PLAC1: variants seen among roughly 807,000 people sequenced by gnomAD.
The protein encoded by PLAC1 is placenta-specific protein 1.
For missense variants in PLAC1, 136 were observed against 163.2 expected, an observed-to-expected ratio of 0.83 and a Z score of 0.91; for synonymous variants, 68 against 62.1, an observed-to-expected ratio of 1.09 and a Z score of -0.44.
At chrX:134,600,614 G>A (rs189536326) in intron 2 of PLAC1, among the ~76,000 whole-genome samples, 34 of 110,050 alleles carry the variant, frequency 3.1e-4, no homozygotes, top group African/African-American at 1.0e-3. Flanking sequence ...TCAGCCCACC[G>A]CACTCTAGCA....
chrX:134,690,475 G>C (rs1317773154), intron 2 of PLAC1, among the ~76,000 whole-genome samples: 4 of 111,384 alleles, frequency 3.6e-5, no homozygotes, highest in Middle Eastern at 9.2e-3. Flanking sequence ...CAGACCTGCT[G>C]AGTCAGAATC....
At chrX:134,603,542 G>A (rs369106653) in intron 1 of PLAC1, among the ~76,000 whole-genome samples, 2 of 103,468 alleles carry the variant, frequency 1.9e-5, no homozygotes, top group Admixed American at 1.1e-4. Flanking sequence ...CACCGTGTTA[G>A]CCAGGATGGT....
At chrX:134,592,999 T>C (rs2124377691) in intron 2 of PLAC1, among the ~76,000 whole-genome samples, 1 of 110,985 alleles carries the variant, frequency 9.0e-6, no homozygotes, top group Admixed American at 9.6e-5. Context: ...AATGCTGGGA[T>C]TACAGGCGTG....
chrX:134,686,640 T>A (rs2078517986), intron 2 of PLAC1, among the ~76,000 whole-genome samples: 1 of 111,733 alleles, frequency 8.9e-6, no homozygotes, highest in Admixed American at 9.5e-5. Flanking sequence ...TTTTTAAAGA[T>A]CCTCCTTCAA....
rs2078554339 is a variant in PLAC1, at chrX:134,694,122, G to A, written n.174+39313C>T. On this transcript the variant is annotated intron_variant and non_coding_transcript_variant, in intron 2 of 2. Transcript: ENST00000466797. ...TTATAAGACAGGACTTTGCCATATG[G>A]GTCTTGTTTCCTCAACTGGTGTGAA... Among the ~76,000 whole-genome samples, 3 of 110,692 alleles carry A rather than the reference G, an allele frequency of 2.7e-5. No homozygotes were observed. In the South Asian group the frequency reaches 1.2e-3, roughly 43 times the overall value.
chrX:134,758,662 A>T (rs927957397), intron 1 of PLAC1, among the ~76,000 whole-genome samples: 2 of 112,225 alleles, frequency 1.8e-5, no homozygotes, highest in Non-Finnish European at 3.8e-5. Context: ...ATTAAACATA[A>T]GACTTGAAAC....
intron 1 of PLAC1, among the ~76,000 whole-genome samples, chrX:134,734,780 G>A (rs2078698577): frequency 9.0e-6 from 1 of 110,991 alleles, no homozygotes; most frequent in Non-Finnish European, 1.9e-5. Context: ...CCCAGATCTG[G>A]CCCTCAGCTT....
At chrX:134,650,322 G>A (rs2078356046) in intron 1 of PLAC1, among the ~76,000 whole-genome samples, 1 of 111,845 alleles carries the variant, frequency 8.9e-6, no homozygotes, top group Non-Finnish European at 1.9e-5. Flanking sequence ...GGTTAGGAAA[G>A]AGATCACATC....
At chrX:134,751,952 A>T (rs1170253007) in intron 1 of PLAC1, among the ~76,000 whole-genome samples, 1 of 112,456 alleles carries the variant, frequency 8.9e-6, no homozygotes, top group African/African-American at 3.2e-5. Flanking sequence ...TGATGCAAGG[A>T]AACCTGCTTT....
rs770716614 is a variant in PLAC1 at position 134,755,797 on chromosome X, G to A, written n.89+8437C>T. ...TTTGGGATATTGGACCTTTATTTAT[G>A]TATACATTATAAGTATTTTCTCAGT... On this transcript the variant is annotated intron_variant and non_coding_transcript_variant, in intron 1 of 2. Coordinates refer to the PLAC1 transcript ENST00000466797. 3.7e-3 allele frequency among the ~76,000 whole-genome samples: 357 copies of A among 96,926 alleles called. 1 individual carries two copies. The highest frequency in any genetic ancestry group is 6.4e-3 in the Non-Finnish European group (307 of 47,641). 84.2% of individuals were successfully genotyped at this position (96,926 alleles called of 115,157 possible). A position where few individuals can be genotyped will look rare whatever the true frequency, so the allele number is the denominator to read the frequency against.
intron 2 of PLAC1, among the ~76,000 whole-genome samples, chrX:134,695,526 T>C (rs1381733168): frequency 1.8e-5 from 2 of 111,938 alleles, no homozygotes; most frequent in Non-Finnish European, 3.8e-5. Context: ...TTACCTTCAC[T>C]TTCTGTCTGT....
intron 2 of PLAC1, among the ~76,000 whole-genome samples, chrX:134,689,559 G>T (rs761968206): frequency 2.7e-5 from 3 of 111,336 alleles, no homozygotes; most frequent in African/African-American, 9.8e-5. Context: ...GTCTGTTGCC[G>T]ACACCGTGAT....
chrX:134,737,082 G>A (rs2078704985), intron 1 of PLAC1, among the ~76,000 whole-genome samples: 1 of 112,587 alleles, frequency 8.9e-6, no homozygotes, highest in East Asian at 2.8e-4. Context: ...TGAATTGGAT[G>A]TTGGAATCGT....
At chrX:134,692,687 T>C (rs946411413) in intron 2 of PLAC1, among the ~76,000 whole-genome samples, 1 of 111,941 alleles carries the variant, frequency 8.9e-6, no homozygotes, top group African/African-American at 3.2e-5. Flanking sequence ...ATGCCCATAA[T>C]CAATCATTGA....
chrX:134,661,320 G>A (rs939843297), upstream of PLAC1, among the ~76,000 whole-genome samples: 2 of 111,600 alleles, frequency 1.8e-5, no homozygotes, highest in Admixed American at 1.9e-4. Context: ...TGTCTCTCTC[G>A]CGTTCTGCTG....
At chrX:134,686,113 T>C (rs1446686790) in intron 2 of PLAC1, among the ~76,000 whole-genome samples, 1 of 111,612 alleles carries the variant, frequency 9.0e-6, no homozygotes, top group African/African-American at 3.3e-5. Flanking sequence ...CACCTTGTGG[T>C]GGGGTGGAAG....
chrX:134,616,109 A>G (rs2078177886), intron 1 of PLAC1, among the ~76,000 whole-genome samples: 1 of 110,779 alleles, frequency 9.0e-6, no homozygotes, highest in Admixed American at 9.7e-5. Flanking sequence ...CTTCCCTGGT[A>G]GCTAGAACTA....
At chrX:134,704,194 CATAGTA>C (rs1275425356) in intron 2 of PLAC1, among the ~76,000 whole-genome samples, 1 of 109,032 alleles carries the variant, frequency 9.2e-6, no homozygotes, top group Non-Finnish European at 1.9e-5. Flanking sequence ...CAATGTAAAA[CATAGTA>C]ATAGAAATAT....
At chrX:134,756,686 A>G (rs188935692) in intron 1 of PLAC1, among the ~76,000 whole-genome samples, 1,408 of 109,692 alleles carry the variant, frequency 0.013, 9 homozygotes, top group Non-Finnish European at 0.019. Flanking sequence ...CGTCTCTACT[A>G]AAAATACAAA....
Sources: allele counts gnomAD v4.1 joint callset (sites outside exome capture counted in the v4.1 genomes callset), GRCh38; gene constraint gnomAD v4.1.1; transcripts MANE v1.5; gene names NCBI Gene and HGNC (gene_info 2026-07-23, HGNC 2026-07-21).